LRP5: variants seen among roughly 807,000 people sequenced by gnomAD.
The protein encoded by LRP5 is LDL receptor related protein 5.
In LRP5, 62 loss-of-function variants were observed where a neutral mutation model predicts 154.1. The ratio of observed to expected loss-of-function variants is 0.40; its 90% CI spans 0.33 to 0.50. The LOEUF (loss-of-function observed/expected upper bound fraction) is 0.50. Ranked by LOEUF, LRP5 falls within the 20% of genes least tolerant of loss-of-function variation. The pLI is 0.55. For synonymous variants in LRP5, 966 were observed against 1,011.5 expected (o/e 0.96, Z 0.85); for missense variants, 1,915 against 2,336.7 (o/e 0.82, Z 3.72).
At chr11:68,400,938 C>G (rs186031395) in intron 7 of LRP5, among the ~76,000 whole-genome samples, 6 of 152,230 alleles carry the variant, frequency 3.9e-5, no homozygotes, top group South Asian at 2.1e-4. Flanking sequence ...TTTGGTAGAT[C>G]GAAACCTGGA....
intron 1 of LRP5, among the ~76,000 whole-genome samples, chr11:68,334,020 G>A (rs1426937360): frequency 8.5e-5 from 13 of 152,154 alleles, no homozygotes; most frequent in African/African-American, 2.7e-4. Context: ...GATCACTTGA[G>A]GTCAGGAGTT....
intron 5 of LRP5, among the ~76,000 whole-genome samples, chr11:68,376,126 C>A (rs1333785802): frequency 6.8e-6 from 1 of 147,864 alleles, no homozygotes; most frequent in East Asian, 2.0e-4. Flanking sequence ...CCCAGGCACG[C>A]GTCCTGGGAG....
At chr11:68,307,354 T>C in the LRP5 span, among the ~76,000 whole-genome samples, 1 of 151,688 alleles carries the variant, frequency 6.6e-6, no homozygotes, top group East Asian at 1.9e-4. Context: ...AGTGCTAAAA[T>C]TACAGGCTTT....
At chr11:68,425,951 T>C (rs2098668511) in intron 15 of LRP5, 27 bp from the exon 16 acceptor site, 2 of 1,601,342 alleles carry the variant, frequency 1.2e-6, no homozygotes, top group East Asian at 2.2e-5. Flanking sequence ...TCAGCACTGC[T>C]CAGGGGGGCC....
At position 68,357,746 on chromosome 11, in the gene LRP5, C is replaced by T. The variant is rs1347190036; in HGVS notation, c.585C>T (p.Tyr195=). The change falls in exon 3 of 23, where the codon TAC becomes TAT. Residue 195 remains tyrosine (Y), a synonymous_variant. Coordinates refer to ENST00000294304, the MANE Select transcript of LRP5 (RefSeq NM_002335.4). ...TRKIIVDSDI[Y]WPNGLTIDLE... ...AGATCATTGTGGACTCGGACATTTA[C>T]TGGCCCAATGGACTGACCATCGACC... The T allele has an allele frequency of 1.2e-6, 2 of 1,614,060 alleles. No homozygotes were observed. The highest frequency in any genetic ancestry group is 1.3e-5 in the African/African-American group (1 of 74,932).
rs1017439676 is a variant in LRP5 at position 68,353,854 on chromosome 11, G to A, written c.489-3796G>A. On this transcript the variant is annotated intron_variant, in intron 2 of 22. Coordinates refer to ENST00000294304, the MANE Select transcript of LRP5 (RefSeq NM_002335.4). This position sits in a 1 kb window ranked among gnomAD's most constrained non-coding sequence, Gnocchi z 4.5. ...GCCAGGGGGGCCCCTCCTGAGACTC[G>A]ACTTCGTTGCAGTTTCAGCAATGCA... Among the ~76,000 whole-genome samples, 2 of 152,172 alleles carry A rather than the reference G, an allele frequency of 1.3e-5. No individual in the cohort carries two copies. The highest frequency in any genetic ancestry group is 2.1e-4 in the South Asian group (1 of 4,826).
Position 68,403,696 on chromosome 11 carries a change from G to C in LRP5, c.1798G>C (p.Val600Leu). ...CAAAGCTGTGAATGTGGCCAAGGTC[G>C]TCGGTGAGTCCGGGGGGTCCCAAGC... is the stretch of plus-strand genomic sequence containing the variant. ...GLKAVNVAKV[V>L]GTNPCADRNG... The change falls in exon 8 of 23, where the codon GTC becomes CTC. Residue 600 changes from valine to leucine, a missense_variant. Around this residue, in one of 3 missense-constraint regions of LRP5, gnomAD observed 773 missense variants for 1,100.9 expected, o/e 0.70. Transcript: ENST00000294304. 6.2e-7 allele frequency: 1 copy of C among 1,613,476 alleles called. No individual in the cohort carries two copies. The highest frequency in any genetic ancestry group is 8.5e-7 in the Non-Finnish European group (1 of 1,180,030).
chr11:68,444,240 C>A (rs2098680239), intron 21 of LRP5, among the ~76,000 whole-genome samples: 1 of 152,084 alleles, frequency 6.6e-6, no homozygotes, highest in African/African-American at 2.4e-5. Flanking sequence ...ATAGGCCAGG[C>A]ATGGTGGCTC....
chr11:68,376,419 C>G lies in LRP5; in HGVS notation c.1016-9897C>G, dbSNP rs373231491. ...GATGGTCTCGATCTCCTGACCATCT[C>G]GTGATCCACCCACCTTGGCCTCCCA... is the stretch of plus-strand genomic sequence containing the variant. On this transcript the variant is annotated intron_variant, in intron 5 of 22. Transcript: ENST00000294304. Among the ~76,000 whole-genome samples, 173 of 152,190 alleles carry G rather than the reference C, an allele frequency of 1.1e-3. 3 individuals carry two copies. The South Asian group carries it at 0.035, about 31-fold the overall frequency.
chr11:68,399,153 G>A (rs560217324), intron 7 of LRP5, among the ~76,000 whole-genome samples: 1 of 152,002 alleles, frequency 6.6e-6, no homozygotes, highest in Non-Finnish European at 1.5e-5. Flanking sequence ...GGTGAACTAT[G>A]ATCATGTCAT....
chr11:68,320,251 C>T (rs2098596000), intron 1 of LRP5, among the ~76,000 whole-genome samples: 1 of 152,210 alleles, frequency 6.6e-6, no homozygotes, highest in African/African-American at 2.4e-5. Context: ...AGAACACACA[C>T]TTTCCTATAT....
chr11:68,402,201 C>T (rs1304025647), intron 7 of LRP5, among the ~76,000 whole-genome samples: 2 of 152,164 alleles, frequency 1.3e-5, no homozygotes, highest in Admixed American at 1.3e-4. Context: ...TCCTGAGAGC[C>T]GGAGAACTTG....
At chr11:68,324,139 C>T (rs11228203) in intron 1 of LRP5, among the ~76,000 whole-genome samples, 1 of 152,218 alleles carries the variant, frequency 6.6e-6, no homozygotes, top group African/African-American at 2.4e-5. Context: ...CTCAGGAGGG[C>T]TGAGCTGCTG....
intron 5 of LRP5, among the ~76,000 whole-genome samples, chr11:68,384,655 C>G (rs1414217866): frequency 6.6e-6 from 1 of 152,192 alleles, no homozygotes; most frequent in Non-Finnish European, 1.5e-5. Context: ...TCTGATAAAT[C>G]CAAACTGGGG....
chr11:68,423,597 A>G lies in LRP5; in HGVS notation c.3136A>G (p.Asn1046Asp), dbSNP rs2098667048. ...RTLFWTCEAT[N>D]TINVHRLSGE... ...ACTGTTCTGGACGTGCGAGGCCACCAATACCATCAACGTCCACAGGCTGAG... is the reference window on the plus strand; with the variant it reads ...ACTGTTCTGGACGTGCGAGGCCACCGATACCATCAACGTCCACAGGCTGAG... The change falls in exon 14 of 23, where the codon AAT becomes GAT. Residue 1046 changes from asparagine (N) to aspartate (D), a missense_variant. Coordinates refer to ENST00000294304, the MANE Select transcript of LRP5 (RefSeq NM_002335.4). This position sits in a 1 kb window ranked among gnomAD's most constrained non-coding sequence, Gnocchi z 4.7. 3.1e-6 allele frequency: 5 copies of G among 1,614,108 alleles called. No individual in the cohort carries two copies. Among genetic ancestry groups the G allele is most frequent in the East Asian group, 2.2e-5 (1 of 44,892 alleles).
chr11:68,411,955 C>T (rs2098659842), intron 11 of LRP5, among the ~76,000 whole-genome samples: 1 of 152,162 alleles, frequency 6.6e-6, no homozygotes, highest in Admixed American at 6.5e-5. Flanking sequence ...GAAGCTGAGG[C>T]CTGAGCACAT....
At chr11:68,444,508 A>G (rs1295240015) in intron 21 of LRP5, among the ~76,000 whole-genome samples, 2 of 150,578 alleles carry the variant, frequency 1.3e-5, no homozygotes, top group African/African-American at 4.9e-5. Flanking sequence ...CAAGAGCGAG[A>G]CTCAGTCAAA....
chr11:68,338,892 G>C (rs1205424504), intron 1 of LRP5, among the ~76,000 whole-genome samples: 1 of 12,178 alleles, frequency 8.2e-5, no homozygotes, highest in African/African-American at 3.6e-4. Flanking sequence ...TTTTTTTTTT[G>C]AGACAGAATC....
At chr11:68,304,412 C>T in the LRP5 span, among the ~76,000 whole-genome samples, 2 of 152,254 alleles carry the variant, frequency 1.3e-5, no homozygotes, top group Admixed American at 6.5e-5. Context: ...TATGAGAAAG[C>T]CTGGGAGCCC....
Sources: allele counts gnomAD v4.1 joint callset (sites outside exome capture counted in the v4.1 genomes callset), GRCh38; gene constraint gnomAD v4.1.1; regional missense constraint gnomAD v4.1.1; non-coding constraint Gnocchi (gnomAD v3.1); transcripts MANE v1.5; gene names NCBI Gene and HGNC (gene_info 2026-07-23, HGNC 2026-07-21).